The following CDH9 variants were observed in gnomAD, a reference collection of about 807,000 sequenced individuals.
The protein encoded by CDH9 is cadherin-9.
In CDH9, 28 loss-of-function variants were observed where a neutral mutation model predicts 70.9. That is an observed-to-expected ratio of 0.40 (90% CI 0.29 to 0.54). The LOEUF (loss-of-function observed/expected upper bound fraction) is 0.54, where lower values mean the gene tolerates loss of function less well. CDH9 is among the 20% of genes least tolerant of loss of function. The pLI is 0.59. For synonymous variants in CDH9, 409 were observed against 343.1 expected (o/e 1.19, Z -2.12); for missense variants, 874 against 984.4 (o/e 0.89, Z 1.50).
chr5:26,965,908 C>T (rs866841953), intron 2 of CDH9, among the ~76,000 whole-genome samples: 4 of 152,118 alleles, frequency 2.6e-5, no homozygotes, highest in African/African-American at 9.7e-5. Context: ...AAAACACTTT[C>T]TACTTTCACA....
chr5:26,980,041 A>G (rs182609014), intron 2 of CDH9, among the ~76,000 whole-genome samples: 1 of 152,034 alleles, frequency 6.6e-6, no homozygotes, highest in East Asian at 1.9e-4. Flanking sequence ...TCCTAAGAAT[A>G]CTATACCCAG....
rs187842630 is a variant in CDH9, at chr5:26,934,913, A to G, written c.229-18989T>C. On this transcript the variant is annotated intron_variant, in intron 2 of 11. Coordinates refer to ENST00000231021, the MANE Select transcript of CDH9 (RefSeq NM_016279.4). Reference sequence around the variant, plus strand: ...AACCATAGGAAGCCATAATTACTCTAATACAAAAATAAAGATACTGAAAAA... The same window carrying G: ...AACCATAGGAAGCCATAATTACTCTGATACAAAAATAAAGATACTGAAAAA... Among the ~76,000 whole-genome samples, 5 of 145,730 alleles carry G rather than the reference A, an allele frequency of 3.4e-5. No homozygotes were observed. The East Asian group carries it at 9.9e-4, about 29-fold the overall frequency.
chr5:26,922,079 T>A (rs1236668055), intron 2 of CDH9, among the ~76,000 whole-genome samples: 1 of 148,254 alleles, frequency 6.7e-6, no homozygotes, highest in Non-Finnish European at 1.5e-5. Flanking sequence ...GAATGAAGGA[T>A]GTCTACAAGA....
At chr5:26,993,249 G>C (rs1742611180) in intron 1 of CDH9, among the ~76,000 whole-genome samples, 1 of 152,144 alleles carries the variant, frequency 6.6e-6, no homozygotes. Context: ...TTGTTATAAA[G>C]TAGAAAAGAC....
At chr5:26,950,537 G>A (rs1477579127) in intron 2 of CDH9, among the ~76,000 whole-genome samples, 1 of 152,120 alleles carries the variant, frequency 6.6e-6, no homozygotes, top group Non-Finnish European at 1.5e-5. Context: ...AAAAATTAAT[G>A]CTGACATTCT....
intron 7 of CDH9, among the ~76,000 whole-genome samples, chr5:26,894,284 C>T (rs1287212625): frequency 2.0e-5 from 3 of 152,098 alleles, no homozygotes; most frequent in African/African-American, 4.8e-5. Context: ...TTGCTAGCTG[C>T]CCTAGCGTTT....
chr5:27,010,087 A>G (rs1180585941), intron 1 of CDH9, among the ~76,000 whole-genome samples: 2 of 152,084 alleles, frequency 1.3e-5, no homozygotes, highest in Non-Finnish European at 1.5e-5. Flanking sequence ...TTGATATGAG[A>G]TCTATCCTGT....
At chr5:26,956,959 A>G (rs1741956665) in intron 2 of CDH9, among the ~76,000 whole-genome samples, 1 of 150,654 alleles carries the variant, frequency 6.6e-6, no homozygotes, top group African/African-American at 2.4e-5. Flanking sequence ...ACAGTATTAG[A>G]GATAGTCATT....
intron 2 of CDH9, among the ~76,000 whole-genome samples, chr5:26,947,156 G>T (rs954808009): frequency 3.9e-5 from 6 of 151,974 alleles, no homozygotes; most frequent in Non-Finnish European, 7.4e-5. Context: ...AGTCCTCTTT[G>T]GTGGAAAACA....
chr5:26,947,190 A>T (rs1297384022), intron 2 of CDH9, among the ~76,000 whole-genome samples: 1 of 152,184 alleles, frequency 6.6e-6, no homozygotes, highest in Non-Finnish European at 1.5e-5. Flanking sequence ...AATTTAGGGA[A>T]TTCAGCAATA....
rs1306728799 is a variant in CDH9 at position 26,880,619 on chromosome 5, A to G, written c.*517T>C. On this transcript the variant is annotated 3_prime_UTR_variant, in exon 12 of 12. Coordinates refer to ENST00000231021, the MANE Select transcript of CDH9 (RefSeq NM_016279.4). Reference sequence around the variant, plus strand: ...AAATGTGTTTTATAAATACTAGTTTATTTCATAAAAATACAAAAATATAAA... The same window carrying G: ...AAATGTGTTTTATAAATACTAGTTTGTTTCATAAAAATACAAAAATATAAA... 1 of 152,362 alleles carries G rather than the reference A, an allele frequency of 6.6e-6. No homozygotes were observed. The highest frequency in any genetic ancestry group is 2.4e-5 in the African/African-American group (1 of 41,444). The allele number at this position is 152,362 out of a possible 1,614,324, so 9.4% of individuals were successfully genotyped here.
At chr5:26,917,737 G>C (rs1471324056) in intron 2 of CDH9, among the ~76,000 whole-genome samples, 2 of 151,424 alleles carry the variant, frequency 1.3e-5, no homozygotes, top group African/African-American at 4.9e-5. Flanking sequence ...ATCTTCTCTG[G>C]ACCACCAGAG....
intron 1 of CDH9, among the ~76,000 whole-genome samples, chr5:27,010,610 T>G (rs888312227): frequency 6.6e-6 from 1 of 152,148 alleles, no homozygotes; most frequent in African/African-American, 2.4e-5. Flanking sequence ...GTGCAGGATC[T>G]GCCTTCCAAG....
intron 2 of CDH9, among the ~76,000 whole-genome samples, chr5:26,977,388 A>T (rs1742318327): frequency 6.6e-6 from 1 of 151,704 alleles, no homozygotes; most frequent in Non-Finnish European, 1.5e-5. Flanking sequence ...TGGTATTGAC[A>T]TCAAATATAA....
At chr5:27,030,601 G>T (rs754436568) in intron 1 of CDH9, among the ~76,000 whole-genome samples, 8 of 151,142 alleles carry the variant, frequency 5.3e-5, no homozygotes, top group Non-Finnish European at 1.0e-4. Context: ...AGTCATCACA[G>T]TTTATTGCAA....
intron 9 of CDH9, among the ~76,000 whole-genome samples, chr5:26,888,192 A>C (rs10472563): frequency 6.6e-6 from 1 of 152,184 alleles, no homozygotes; most frequent in South Asian, 2.1e-4. Flanking sequence ...AGAGTTGCCA[A>C]GTACATAGGC....
chr5:27,009,858 T>G (rs548917634), intron 1 of CDH9, among the ~76,000 whole-genome samples: 2 of 152,202 alleles, frequency 1.3e-5, no homozygotes, highest in South Asian at 4.2e-4. Context: ...TTCTTAGAAT[T>G]TCTATAGTTG....
At chr5:27,009,184 A>C (rs1447761973) in intron 1 of CDH9, among the ~76,000 whole-genome samples, 2 of 152,180 alleles carry the variant, frequency 1.3e-5, no homozygotes, top group African/African-American at 4.8e-5. Flanking sequence ...AGGATTTGAT[A>C]ATTTATACAT....
chr5:27,021,723 G>A lies in CDH9; in HGVS notation c.-50+16740C>T, dbSNP rs114730293. Among the ~76,000 whole-genome samples the A allele has an allele frequency of 2.6e-3, 398 of 151,978 alleles. 2 individuals are homozygous for A. Among genetic ancestry groups the A allele is most frequent in the African/African-American group, 9.1e-3 (377 of 41,554 alleles). On this transcript the variant is annotated intron_variant, in intron 1 of 11. Transcript: ENST00000231021. The stretch of plus-strand genomic sequence containing the variant: ...TCATGTTCCCCATAGACTGGGGCAA[G>A]ATATCATTATAAATAAAGGTTCATT...
Sources: gnomAD v4.1 joint callset for allele counts (sites outside exome capture counted in the v4.1 genomes callset) on GRCh38, gnomAD v4.1.1 for gene constraint, MANE v1.5 for transcripts, NCBI Gene and HGNC (gene_info 2026-07-23, HGNC 2026-07-21) for gene names.